The following HS6ST1 variants were observed in gnomAD, a reference collection of about 807,000 sequenced individuals.
The protein encoded by HS6ST1 is heparan-sulfate 6-O-sulfotransferase 1.
A neutral mutation model predicts 25.2 loss-of-function variants in HS6ST1; 3 were observed. The ratio of observed to expected loss-of-function variants is 0.12; its 90% CI spans 0.05 to 0.31. The LOEUF (loss-of-function observed/expected upper bound fraction) is 0.31, where lower values mean the gene tolerates loss of function less well. HS6ST1 is among the 10% of genes least tolerant of loss of function. The pLI, the probability that HS6ST1 is intolerant of heterozygous loss-of-function variation, is 1.00. For synonymous variants in HS6ST1, 204 were observed against 275.1 expected (o/e 0.74, Z 2.56); for missense variants, 310 against 609.6 (o/e 0.51, Z 5.18).
chr2:128,317,105 G>A (rs973327203), intron 1 of HS6ST1, among the ~76,000 whole-genome samples: 1 of 152,264 alleles, frequency 6.6e-6, no homozygotes, highest in Non-Finnish European at 1.5e-5. Flanking sequence ...AGGACGAATG[G>A]GCACCAACAG....
chr2:128,292,188 C>A (rs982041605), intron 1 of HS6ST1, among the ~76,000 whole-genome samples: 1 of 152,236 alleles, frequency 6.6e-6, no homozygotes, highest in African/African-American at 2.4e-5. Context: ...CTCAGTGCCA[C>A]AGAGACCACC....
intron 1 of HS6ST1, among the ~76,000 whole-genome samples, chr2:128,302,042 G>A (rs1343703893): frequency 2.6e-5 from 4 of 152,148 alleles, no homozygotes; most frequent in Non-Finnish European, 4.4e-5. Flanking sequence ...AGACATTCCC[G>A]CCAGAGCCCT....
intron 1 of HS6ST1, among the ~76,000 whole-genome samples, chr2:128,299,643 G>A (rs997980828): frequency 7.2e-5 from 11 of 152,222 alleles, no homozygotes; most frequent in Admixed American, 5.9e-4. Context: ...TGAAGGCCAC[G>A]CGTGACCTGT....
intron 1 of HS6ST1, among the ~76,000 whole-genome samples, chr2:128,299,973 T>C (rs1157851337): frequency 6.6e-6 from 1 of 152,116 alleles, no homozygotes; most frequent in African/African-American, 2.4e-5. Context: ...GGCCGGGGTC[T>C]TGCCAGCCGC....
In HS6ST1 at chr2:128,268,854, T is replaced by C; in HGVS notation, c.544A>G (p.Thr182Ala). 6.2e-7 allele frequency: 1 copy of C among 1,609,204 alleles called. No individual in the cohort carries two copies. Residue 182 changes from threonine to alanine, a missense_variant, in exon 2 of 2, where the codon ACC (threonine) becomes GCC (alanine). Thr to Ala is a moderately conservative substitution (Grantham distance 58). Around this residue, in one of 5 missense-constraint regions of HS6ST1, gnomAD observed 98 missense variants for 270.3 expected, o/e 0.36. Transcript: ENST00000259241. ...CGGGACACGGGGTCTCGTAGCAGGG[T>C]GATGTAGTAGAACTTCCTGCAAGGA... ...LRTPRKFYYI[T>A]LLRDPVSRYL...
intron 1 of HS6ST1, among the ~76,000 whole-genome samples, chr2:128,286,905 G>A (rs1693873148): frequency 6.6e-6 from 1 of 152,156 alleles, no homozygotes; most frequent in Admixed American, 6.5e-5. Flanking sequence ...CTGGGGAACA[G>A]CATCCCCCAA....
intron 1 of HS6ST1, among the ~76,000 whole-genome samples, chr2:128,292,252 G>A (rs1178915697): frequency 1.3e-5 from 2 of 152,204 alleles, no homozygotes; most frequent in African/African-American, 4.8e-5. Flanking sequence ...GGCAGTCTGG[G>A]CCTGCTCACA....
chr2:128,288,202 G>A (rs762256180), intron 1 of HS6ST1, among the ~76,000 whole-genome samples: 2 of 152,176 alleles, frequency 1.3e-5, no homozygotes, highest in African/African-American at 2.4e-5. Flanking sequence ...GAGGACTCAC[G>A]TGGCCCTTCC....
intron 1 of HS6ST1, among the ~76,000 whole-genome samples, chr2:128,309,155 G>A (rs1694253126): frequency 6.6e-6 from 1 of 152,206 alleles, no homozygotes; most frequent in South Asian, 2.1e-4. Context: ...CCAGCCCCGA[G>A]GTGGGTCTTG....
At chr2:128,272,467 C>A (rs965288636) in intron 1 of HS6ST1, among the ~76,000 whole-genome samples, 1 of 152,220 alleles carries the variant, frequency 6.6e-6, no homozygotes, top group Admixed American at 6.5e-5. Flanking sequence ...CCAGATGGCA[C>A]GCGACCTACT....
chr2:128,270,836 C>T (rs918869504), intron 1 of HS6ST1, among the ~76,000 whole-genome samples: 2 of 152,232 alleles, frequency 1.3e-5, no homozygotes, highest in African/African-American at 4.8e-5. Context: ...TAGCCCCAGC[C>T]AATGACCCTG....
intron 1 of HS6ST1, among the ~76,000 whole-genome samples, chr2:128,288,823 T>G (rs1168722209): frequency 1.3e-5 from 2 of 151,928 alleles, no homozygotes; most frequent in Admixed American, 6.6e-5. Context: ...TAATCAGCCT[T>G]TCTCGGGGTC....
chr2:128,316,915 C>T (rs1307424854), intron 1 of HS6ST1, among the ~76,000 whole-genome samples: 1 of 152,198 alleles, frequency 6.6e-6, no homozygotes, highest in African/African-American at 2.4e-5. Context: ...AGCCTACAGC[C>T]TCTGGACCCA....
At chr2:128,316,328 C>T (rs1248784736) in intron 1 of HS6ST1, among the ~76,000 whole-genome samples, 1 of 152,258 alleles carries the variant, frequency 6.6e-6, no homozygotes, top group Non-Finnish European at 1.5e-5. Flanking sequence ...TCCACGCAAT[C>T]CTCTTAGGCT....
intron 1 of HS6ST1, among the ~76,000 whole-genome samples, chr2:128,300,347 GA>G (rs1308146582): frequency 2.0e-5 from 3 of 152,144 alleles, no homozygotes. Context: ...AAGAGGGGGG[GA>G]CCACCCACCC....
chr2:128,277,401 G>C (rs1693711785), intron 1 of HS6ST1, among the ~76,000 whole-genome samples: 2 of 152,194 alleles, frequency 1.3e-5, no homozygotes, highest in African/African-American at 4.8e-5. Flanking sequence ...CCCCTGAATG[G>C]GGCACACACT....
rs1249410730 is a variant in HS6ST1 at position 128,266,461 on chromosome 2, G to C, written c.*1701C>G. 2 of 152,218 alleles carry C rather than the reference G, an allele frequency of 1.3e-5. No individual in the cohort carries two copies. Among genetic ancestry groups the C allele is most frequent in the Admixed American group, 1.3e-4 (2 of 15,288 alleles). The allele number at this position is 152,218 out of a possible 1,614,324, so 9.4% of individuals were successfully genotyped here. On this transcript the variant is annotated 3_prime_UTR_variant, in exon 2 of 2. Transcript: ENST00000259241. ...GACCATCCTGTCCTTGGACCCCAAAGTAAAATGGGGCCAGTGTAGGAGACC... is the reference window on the plus strand; with the variant it reads ...GACCATCCTGTCCTTGGACCCCAAACTAAAATGGGGCCAGTGTAGGAGACC...
chr2:128,318,490 G>C lies in HS6ST1; in HGVS notation c.74C>G (p.Ser25Trp), dbSNP rs771045025. The C allele has an allele frequency of 6.5e-7, 1 of 1,549,084 alleles. No individual in the cohort carries two copies. The highest frequency in any genetic ancestry group is 1.4e-5 in the African/African-American group (1 of 73,166). ...ASKFVLVVAG[S>W]VCFMLILYQY... ...GTACAAGATGAGCATGAAGCACACCGAGCCCGCCACCACCAGCACGAACTT... is the reference window on the plus strand; with the variant it reads ...GTACAAGATGAGCATGAAGCACACCCAGCCCGCCACCACCAGCACGAACTT... The change falls in exon 1 of 2, where the codon TCG (serine) becomes TGG (tryptophan). Residue 25 changes from serine to tryptophan, a missense_variant. Ser to Trp is a radical substitution (Grantham distance 177). Around this residue, in one of 5 missense-constraint regions of HS6ST1, gnomAD observed 63 missense variants for 105.4 expected, o/e 0.60. Coordinates refer to ENST00000259241, the MANE Select transcript of HS6ST1 (RefSeq NM_004807.3). The surrounding 1 kb of genome is among the most constrained non-coding windows in gnomAD (Gnocchi z 5.7).
intron 1 of HS6ST1, among the ~76,000 whole-genome samples, chr2:128,306,307 G>A (rs570997326): frequency 3.3e-5 from 5 of 152,268 alleles, no homozygotes; most frequent in African/African-American, 4.8e-5. Context: ...TGGCCGCGCC[G>A]CTGCGAAGAT....
Sources: gnomAD v4.1 joint callset for allele counts (sites outside exome capture counted in the v4.1 genomes callset) on GRCh38, gnomAD v4.1.1 for gene constraint, gnomAD v4.1.1 regional missense constraint, Gnocchi (gnomAD v3.1) non-coding constraint, MANE v1.5 for transcripts, NCBI Gene and HGNC (gene_info 2026-07-23, HGNC 2026-07-21) for gene names.